Variants in RAPGEF5 observed in about 807,000 individuals in gnomAD.
RAPGEF5 encodes the protein M-Ras-regulated GEF.
In RAPGEF5, 65 loss-of-function variants were observed where a neutral mutation model predicts 125.2. That is an observed-to-expected ratio of 0.52 (90% CI 0.43 to 0.64). The LOEUF is 0.64. RAPGEF5 is among the 30% of genes least tolerant of loss of function. RAPGEF5 has a pLI of 0.00. For missense variants in RAPGEF5, 958 were observed against 1,048.1 expected (o/e 0.91, Z 1.19); for synonymous variants, 391 against 385.9 (o/e 1.01, Z -0.16).
At chr7:22,123,809 C>T (rs1347861523) in intron 25 of RAPGEF5, among the ~76,000 whole-genome samples, 1 of 152,168 alleles carries the variant, frequency 6.6e-6, no homozygotes, top group African/African-American at 2.4e-5. Context: ...CACGATGCTA[C>T]AAAGGTAATT....
intron 1 of RAPGEF5, among the ~76,000 whole-genome samples, chr7:22,347,149 C>T (rs770259727): frequency 6.6e-6 from 1 of 152,022 alleles, no homozygotes; most frequent in Non-Finnish European, 1.5e-5. Context: ...CCCCCACTTA[C>T]AATTTTGGTT....
At chr7:22,305,464 A>G (rs901733191) in intron 5 of RAPGEF5, among the ~76,000 whole-genome samples, 27 of 152,136 alleles carry the variant, frequency 1.8e-4, no homozygotes, top group African/African-American at 6.5e-4. Context: ...GGGGTACATG[A>G]GATGTTTCGA....
intron 9 of RAPGEF5, among the ~76,000 whole-genome samples, chr7:22,198,682 G>A (rs573099576): frequency 1.3e-5 from 2 of 152,290 alleles, no homozygotes; most frequent in South Asian, 4.1e-4. Flanking sequence ...GGCAACTGGG[G>A]AGGAATCAGC....
At chr7:22,250,210 C>A (rs1420404755) in intron 7 of RAPGEF5, among the ~76,000 whole-genome samples, 1 of 152,148 alleles carries the variant, frequency 6.6e-6, no homozygotes, top group African/African-American at 2.4e-5. Context: ...CAAAACAAAT[C>A]TTAATCACTA....
At chr7:22,142,566 A>C (rs1008027390) in intron 20 of RAPGEF5, among the ~76,000 whole-genome samples, 1 of 152,198 alleles carries the variant, frequency 6.6e-6, no homozygotes, top group African/African-American at 2.4e-5. Context: ...TCTGTTAAGA[A>C]AAAAAAGGAA....
Position 22,298,682 on chromosome 7 carries a change from G to A in RAPGEF5, c.681-7441C>T, listed in dbSNP as rs1783124383. 2.6e-5 allele frequency: 4 copies of A among 152,198 alleles called. No individual in the cohort carries two copies. In the South Asian group the frequency reaches 8.3e-4, roughly 32 times the overall value. The allele number at this position is 152,198 out of a possible 1,614,324, so 9.4% of individuals were successfully genotyped here. A position where few individuals can be genotyped will look rare whatever the true frequency, so the allele number is the denominator to read the frequency against. On this transcript the variant is annotated intron_variant, in intron 5 of 25. Transcript: ENST00000665637. The stretch of plus-strand genomic sequence containing the variant: ...GGGCCTGGTTCGTACTTGGATAGGA[G>A]AAATGACATAAGTTATTTTTTAAAT...
chr7:22,356,159 GAACTC>G, intron 1 of RAPGEF5: 1 of 985,312 alleles, frequency 1.0e-6, no homozygotes, highest in Non-Finnish European at 1.2e-6. Flanking sequence ...GATGCACTTA[GAACTC>G]AATGAGGGAC....
At chr7:22,254,425 G>A (rs71526394) in intron 7 of RAPGEF5, among the ~76,000 whole-genome samples, 19 of 151,604 alleles carry the variant, frequency 1.3e-4, no homozygotes, top group Non-Finnish European at 2.7e-4. Context: ...CCTGACCAAG[G>A]TGGAGAAACC....
intron 11 of RAPGEF5, among the ~76,000 whole-genome samples, chr7:22,167,361 T>C (rs1784203361): frequency 1.3e-5 from 2 of 152,214 alleles, no homozygotes; most frequent in Admixed American, 1.3e-4. Context: ...AGCAATAAGA[T>C]ATTTTTGTTG....
chr7:22,260,771 G>A (rs993548545), intron 7 of RAPGEF5, among the ~76,000 whole-genome samples: 3 of 151,930 alleles, frequency 2.0e-5, no homozygotes, highest in Non-Finnish European at 4.4e-5. Flanking sequence ...TTAAAACTTT[G>A]AAGAGAACAA....
chr7:22,304,332 A>G, intron 5 of RAPGEF5, among the ~76,000 whole-genome samples: 1 of 152,222 alleles, frequency 6.6e-6, no homozygotes, highest in East Asian at 1.9e-4. Flanking sequence ...AAATGCACAC[A>G]TTCACACCAA....
intron 24 of RAPGEF5, among the ~76,000 whole-genome samples, chr7:22,129,510 T>A (rs1782849625): frequency 1.3e-5 from 2 of 152,200 alleles, no homozygotes; most frequent in Non-Finnish European, 2.9e-5. Context: ...GTTTCATTAA[T>A]CCCAAACGAC....
intron 11 of RAPGEF5, among the ~76,000 whole-genome samples, chr7:22,168,019 A>G (rs1402818715): frequency 6.6e-6 from 1 of 152,192 alleles, no homozygotes; most frequent in East Asian, 1.9e-4. Context: ...ATATGATTTA[A>G]TTTTCATCTT....
intron 11 of RAPGEF5, among the ~76,000 whole-genome samples, chr7:22,171,354 A>G (rs1386309280): frequency 6.6e-6 from 1 of 152,244 alleles, no homozygotes; most frequent in East Asian, 1.9e-4. Flanking sequence ...TTGTATACAT[A>G]AAAGTATCTT....
intron 1 of RAPGEF5, among the ~76,000 whole-genome samples, chr7:22,345,817 G>C (rs924020024): frequency 6.6e-6 from 1 of 151,694 alleles, no homozygotes; most frequent in African/African-American, 2.4e-5. Context: ...AGACACATAG[G>C]GTTGCTGCCA....
At chr7:22,302,183 T>C (rs891065687) in intron 5 of RAPGEF5, among the ~76,000 whole-genome samples, 2 of 152,228 alleles carry the variant, frequency 1.3e-5, no homozygotes, top group African/African-American at 2.4e-5. Flanking sequence ...GATACAAATA[T>C]GTATGAAGCT....
At chr7:22,347,961 A>G (rs1784255800) in intron 1 of RAPGEF5, among the ~76,000 whole-genome samples, 2 of 152,334 alleles carry the variant, frequency 1.3e-5, no homozygotes, top group East Asian at 1.9e-4. Flanking sequence ...CCAGTAAAAT[A>G]TTTTGATTCA....
chr7:22,317,247 T>C (rs1320586164), intron 2 of RAPGEF5, among the ~76,000 whole-genome samples: 41 of 150,138 alleles, frequency 2.7e-4, no homozygotes, highest in Non-Finnish European at 8.9e-5. Flanking sequence ...TTTTTCTTTT[T>C]TTTTTTTTTT....
chr7:22,144,967 TAAGA>T (rs1269310526), intron 20 of RAPGEF5, 73 bp downstream of exon 20: 55 of 1,475,984 alleles, frequency 3.7e-5, no homozygotes, highest in Middle Eastern at 2.4e-4. Context: ...CTTATCATCA[TAAGA>T]AAGAAAGAAA....
Sources: allele counts gnomAD v4.1 joint callset (sites outside exome capture counted in the v4.1 genomes callset), GRCh38; gene constraint gnomAD v4.1.1; transcripts MANE v1.5; gene names NCBI Gene and HGNC (gene_info 2026-07-23, HGNC 2026-07-21).